Variants in RANBP2 observed in about 807,000 individuals in gnomAD.
The protein encoded by RANBP2 is RAN binding protein 2, also known as E3 SUMO-protein ligase RanBP2.
In RANBP2, 57 loss-of-function variants were observed where a neutral mutation model predicts 303.6. The ratio of observed to expected loss-of-function variants is 0.19; its 90% CI spans 0.15 to 0.23. RANBP2 has a LOEUF of 0.23. Among genes scored for constraint, RANBP2 ranks in the 10% least tolerant of loss-of-function variants. The pLI, the probability that RANBP2 is intolerant of heterozygous loss-of-function variation, is 1.00. For missense variants in RANBP2, 3,138 were observed against 3,780.8 expected, an observed-to-expected ratio of 0.83 and a Z score of 4.46; for synonymous variants, 1,167 against 1,301.5, an observed-to-expected ratio of 0.90 and a Z score of 2.23.
At chr2:109,349,173 G>A in the RANBP2 span, among the ~76,000 whole-genome samples, 17 of 152,194 alleles carry the variant, frequency 1.1e-4, no homozygotes, top group African/African-American at 2.7e-4. Flanking sequence ...GCTCGAGGTG[G>A]CACTCTCTGG....
At chr2:109,419,593 G>A in the RANBP2 span, 16 of 1,597,326 alleles carry the variant, frequency 1.0e-5, no homozygotes, top group East Asian at 3.4e-4. Context: ...GGCTGCCTCG[G>A]TGTCTGGAGA....
chr2:108,805,066 T>A, the RANBP2 span: 1 of 959,142 alleles, frequency 1.0e-6, no homozygotes, highest in Non-Finnish European at 1.4e-6. Context: ...ATATTTTATA[T>A]ATAACAAATT....
chr2:109,536,613 C>T, the RANBP2 span, among the ~76,000 whole-genome samples: 1 of 152,072 alleles, frequency 6.6e-6, no homozygotes, highest in African/African-American at 2.4e-5. Context: ...TGAGTTAATG[C>T]TGAAATGAGT....
the RANBP2 span, among the ~76,000 whole-genome samples, chr2:108,939,957 G>A: frequency 6.6e-6 from 1 of 152,216 alleles, no homozygotes; most frequent in Admixed American, 6.5e-5. Context: ...ACGTGTCTCA[G>A]TGACGCTGAT....
the RANBP2 span, chr2:108,856,752 G>A: frequency 6.3e-6 from 10 of 1,584,178 alleles, no homozygotes; most frequent in Admixed American, 1.9e-5. Flanking sequence ...TTGACACCTA[G>A]ACTAGCAAAA....
chr2:109,177,184 A>G, the RANBP2 span, among the ~76,000 whole-genome samples: 3 of 152,206 alleles, frequency 2.0e-5, no homozygotes, highest in African/African-American at 7.2e-5. Flanking sequence ...GAGTCAGAAT[A>G]AGGGGGACTG....
the RANBP2 span, among the ~76,000 whole-genome samples, chr2:109,586,212 G>A: frequency 6.6e-6 from 1 of 152,000 alleles, no homozygotes; most frequent in Non-Finnish European, 1.5e-5. Flanking sequence ...TGAAAAAAAA[G>A]CACAAAACAA....
chr2:109,677,057 G>A, the RANBP2 span, among the ~76,000 whole-genome samples: 4 of 152,118 alleles, frequency 2.6e-5, no homozygotes, highest in African/African-American at 7.2e-5. Flanking sequence ...TTTGACACCC[G>A]ATGGGCAGAT....
At chr2:109,585,879 AC>A in the RANBP2 span, 3 of 1,510,198 alleles carry the variant, frequency 2.0e-6, no homozygotes, top group East Asian at 2.3e-5. Flanking sequence ...AATAAAAAAA[AC>A]AACTTTGACT....
the RANBP2 span, among the ~76,000 whole-genome samples, chr2:109,355,885 T>C: frequency 6.6e-6 from 1 of 152,226 alleles, no homozygotes; most frequent in African/African-American, 2.4e-5. Context: ...CTGAAAGCAA[T>C]GGCTCCAGGT....
the RANBP2 span, among the ~76,000 whole-genome samples, chr2:108,960,725 G>T: frequency 1.3e-5 from 2 of 152,164 alleles, no homozygotes; most frequent in East Asian, 3.8e-4. Flanking sequence ...AAACATTATT[G>T]AGATTTTGAT....
the RANBP2 span, among the ~76,000 whole-genome samples, chr2:108,932,978 G>A: frequency 3.3e-5 from 5 of 152,278 alleles, no homozygotes; most frequent in South Asian, 2.1e-4. Flanking sequence ...ACATGCCCTC[G>A]CTCCCGTAGG....
At chr2:109,630,591 C>T in the RANBP2 span, among the ~76,000 whole-genome samples, 82 of 152,258 alleles carry the variant, frequency 5.4e-4, no homozygotes, top group African/African-American at 1.9e-3. Flanking sequence ...GCCTGTGTAG[C>T]GCGGCATGCC....
the RANBP2 span, among the ~76,000 whole-genome samples, chr2:109,052,429 A>G: frequency 6.6e-6 from 1 of 152,194 alleles, no homozygotes; most frequent in African/African-American, 2.4e-5. Context: ...AGCATATTAC[A>G]TTTATACTTT....
At chr2:108,944,462 T>C in the RANBP2 span, among the ~76,000 whole-genome samples, 1 of 152,234 alleles carries the variant, frequency 6.6e-6, no homozygotes, top group Non-Finnish European at 1.5e-5. Flanking sequence ...TGACTATGGC[T>C]GCGGCAACAA....
chr2:109,385,819 A>T, the RANBP2 span, among the ~76,000 whole-genome samples: 1 of 152,268 alleles, frequency 6.6e-6, no homozygotes, highest in Non-Finnish European at 1.5e-5. Context: ...GAAACAAAAA[A>T]AATAAACCCA....
At chr2:109,654,114 C>G in the RANBP2 span, among the ~76,000 whole-genome samples, 1 of 152,096 alleles carries the variant, frequency 6.6e-6, no homozygotes, top group East Asian at 1.9e-4. Context: ...GTTATTTCCG[C>G]TGGTTAGGAA....
At chr2:109,593,640 G>A in the RANBP2 span, among the ~76,000 whole-genome samples, 3 of 152,032 alleles carry the variant, frequency 2.0e-5, no homozygotes, top group East Asian at 1.9e-4. Context: ...TTCTGACCTC[G>A]TGATTGGCCT....
chr2:109,106,564 C>T, the RANBP2 span, among the ~76,000 whole-genome samples: 53 of 152,128 alleles, frequency 3.5e-4, no homozygotes, highest in East Asian at 7.7e-4. Context: ...TGGCCGGGTG[C>T]GGTGGCTCAC....
Sources: gnomAD v4.1 joint callset for allele counts (sites outside exome capture counted in the v4.1 genomes callset) on GRCh38, gnomAD v4.1.1 for gene constraint, MANE v1.5 for transcripts, NCBI Gene and HGNC (gene_info 2026-07-23, HGNC 2026-07-21) for gene names.